Variants in PABPN1L observed in about 807,000 individuals in gnomAD.
PABPN1L encodes embryonic polyadenylate-binding protein 2.
PABPN1L carries 45 observed loss-of-function variants against 34.0 expected under a neutral mutation model. That is an observed-to-expected ratio of 1.32 (90% CI 1.04 to 1.70). The LOEUF is 1.70. PABPN1L is among the 40% of genes most tolerant of loss of function. PABPN1L has a pLI of 0.00. For synonymous variants in PABPN1L, 182 were observed against 152.1 expected (o/e 1.20, Z -1.45); for missense variants, 459 against 367.8 (o/e 1.25, Z -2.03).
At chr16:88,865,731 C>A in intron 2 of PABPN1L, 75 bp downstream of exon 2, 1 of 1,552,696 alleles carries the variant, frequency 6.4e-7, no homozygotes, top group Non-Finnish European at 8.7e-7. Context: ...CACCTTGGAG[C>A]CTGCCAGGCC....
At chr16:88,864,661 C>T (rs1270106730) in intron 5 of PABPN1L, among the ~76,000 whole-genome samples, 192 bp downstream of exon 5, 1 of 150,724 alleles carries the variant, frequency 6.6e-6, no homozygotes, top group Non-Finnish European at 1.5e-5. Context: ...GGACACTTCC[C>T]CACCATGCCA....
At position 88,864,012 on chromosome 16, in the gene PABPN1L, C is replaced by T. The variant is rs777749823; in HGVS notation, c.798-217G>A. Reference sequence around the variant, plus strand: ...AGAGCCCCTTGGGGCAGCTGTAGCCCACCCTGGGGCCTTTGTGGGAACAAG... The same window carrying T: ...AGAGCCCCTTGGGGCAGCTGTAGCCTACCCTGGGGCCTTTGTGGGAACAAG... On this transcript the variant is annotated intron_variant, in intron 6 of 6. Transcript: ENST00000419291. Among the ~76,000 whole-genome samples, 147 of 152,202 alleles carry T rather than the reference C, an allele frequency of 9.7e-4. 1 individual carries two copies. Among genetic ancestry groups the T allele is most frequent in the Non-Finnish European group, 1.8e-3 (122 of 68,016 alleles).
intron 5 of PABPN1L, 121 bp from the exon 6 acceptor site, chr16:88,864,500 C>T (rs1315616658): frequency 1.5e-6 from 2 of 1,378,276 alleles, no homozygotes; most frequent in Non-Finnish European, 1.9e-6. Context: ...CCATTCGGGC[C>T]TACAGGGTTC....
rs1408925377 is a variant in PABPN1L, at chr16:88,865,981, G to A, written c.256-40C>T. 4 of 1,576,010 alleles carry A rather than the reference G, an allele frequency of 2.5e-6. No homozygotes were observed. In the South Asian group the frequency reaches 3.4e-5, roughly 14 times the overall value. ...CCCTGAGCCGGGCAGGCAGCCTGCA[G>A]GCTCTGCTCAAGGAAGGTGGGTGTG... On this transcript the variant is annotated intron_variant, in intron 1 of 6. Coordinates refer to ENST00000419291, the Ensembl canonical transcript of PABPN1L.
chr16:88,865,234 G>A, intron 3 of PABPN1L, 106 bp from the exon 4 acceptor site: 2 of 1,254,314 alleles, frequency 1.6e-6, no homozygotes, highest in Non-Finnish European at 2.2e-6. Context: ...CCCGTGGCGG[G>A]GATGGCCCCA....
exon 7 of PABPN1L, chr16:88,863,390 T>G: frequency 2.6e-6 from 1 of 389,964 alleles, no homozygotes; most frequent in Non-Finnish European, 4.8e-6. Flanking sequence ...AAGACACACG[T>G]TTCTATTTTT....
exon 7 of PABPN1L, chr16:88,863,754 C>T: frequency 6.5e-7 from 1 of 1,536,136 alleles, no homozygotes; most frequent in South Asian, 1.2e-5. Flanking sequence ...CGGGTCTTCC[C>T]TTTAATACGG....
chr16:88,867,291 G>A (rs942286493), upstream of PABPN1L, among the ~76,000 whole-genome samples: 21 of 150,930 alleles, frequency 1.4e-4, no homozygotes, highest in African/African-American at 3.9e-4. Flanking sequence ...GCGGTGGCGC[G>A]ATCTCGGCTC....
rs1017830861 is a variant in PABPN1L at position 88,865,171 on chromosome 16, C to G, written c.460-43G>C. The G allele has an allele frequency of 2.6e-6, 4 of 1,540,244 alleles. No individual in the cohort carries two copies. The African/African-American group carries it at 5.5e-5, about 21-fold the overall frequency. Reference sequence around the variant, plus strand: ...CCAGCATGTGAGGGAGACGCCTGGCCCTGACTCGGGGCCTTCTTGTTAGAG... The same window carrying G: ...CCAGCATGTGAGGGAGACGCCTGGCGCTGACTCGGGGCCTTCTTGTTAGAG... On this transcript the variant is annotated intron_variant, in intron 3 of 6. Coordinates refer to ENST00000419291, the Ensembl canonical transcript of PABPN1L.
upstream of PABPN1L, among the ~76,000 whole-genome samples, chr16:88,868,553 C>T (rs1181826236): frequency 6.6e-6 from 1 of 152,064 alleles, no homozygotes; most frequent in Non-Finnish European, 1.5e-5. Flanking sequence ...TTGCAGTGAG[C>T]CGAGATCGCG....
chr16:88,866,042 A>G, intron 1 of PABPN1L, 101 bp from the exon 2 acceptor site: 3 of 1,446,730 alleles, frequency 2.1e-6, no homozygotes, highest in Non-Finnish European at 1.8e-6. Context: ...CACAGCCCCA[A>G]GGGGCAGCCC....
At chr16:88,869,437 G>A (rs7184636), upstream of PABPN1L, among the ~76,000 whole-genome samples, 3,548 of 152,300 alleles carry the variant, frequency 0.023, 127 homozygotes, top group African/African-American at 0.078. Context: ...CTCCTCCCTC[G>A]AGAGCCGCTG....
intron 1 of PABPN1L, 93 bp from the exon 2 acceptor site, chr16:88,866,034 C>T (rs1253195798): frequency 2.7e-6 from 4 of 1,461,618 alleles, no homozygotes; most frequent in South Asian, 1.4e-5. Context: ...CAGAGGGTCA[C>T]AGCCCCAAGG....
chr16:88,865,832 C>T, exon 2 of PABPN1L: 1 of 1,608,714 alleles, frequency 6.2e-7, no homozygotes, highest in Non-Finnish European at 8.5e-7. Flanking sequence ...CAGCAGCTGC[C>T]CGGCCGCGGT....
upstream of PABPN1L, among the ~76,000 whole-genome samples, chr16:88,869,979 C>T (rs1474949840): frequency 2.6e-5 from 4 of 152,256 alleles, no homozygotes; most frequent in Non-Finnish European, 4.4e-5. Context: ...ACTCCTATTC[C>T]AGACAGGATC....
rs912075786 is a variant in PABPN1L, at chr16:88,864,220, C to G, written c.797+17G>C. 3 of 1,517,578 alleles carry G rather than the reference C, an allele frequency of 2.0e-6. No homozygotes were observed. The highest frequency in any genetic ancestry group is 2.6e-6 in the Non-Finnish European group (3 of 1,134,768). The allele number at this position is 1,517,578 out of a possible 1,614,324, so 94.0% of individuals were successfully genotyped here. A position where few individuals can be genotyped will look rare whatever the true frequency, so the allele number is the denominator to read the frequency against. ...ATGGCCCTCGCCCCCAGGCTGCCCC[C>G]ACAGGCACCCACTCACCGGTTCTGC... On this transcript the variant is annotated intron_variant, in intron 6 of 6. Transcript: ENST00000419291.
At position 88,865,627 on chromosome 16, in the gene PABPN1L, C is replaced by CA. The variant is rs1567564373; in HGVS notation, c.394dup (p.Cys132LeufsTer14). 4.4e-6 allele frequency: 7 copies of CA among 1,607,214 alleles called. No individual in the cohort carries two copies. The South Asian group carries it at 7.8e-5, about 18-fold the overall frequency. On this transcript the variant is annotated frameshift_variant, in exon 3 of 7. Transcript: ENST00000419291. LOFTEE classifies it high-confidence loss of function. ...CTCCTCGGGGGTCCCAGAGAGGGGG[C>CA]AGCCTGCGGAGAACACAGCTCAGGC...
At chr16:88,868,619 A>G (rs538192149), upstream of PABPN1L, among the ~76,000 whole-genome samples, 31 of 152,116 alleles carry the variant, frequency 2.0e-4, no homozygotes, top group African/African-American at 5.8e-4. Context: ...ACAAAAACAA[A>G]AAAACCCAAA....
intron 6 of PABPN1L, 104 bp downstream of exon 6, chr16:88,864,133 A>G: frequency 4.3e-6 from 6 of 1,390,272 alleles, no homozygotes; most frequent in Non-Finnish European, 5.7e-6. Flanking sequence ...CGCCAGGTAC[A>G]TTCCTGCAGC....
Sources: gnomAD v4.1 joint callset for allele counts (sites outside exome capture counted in the v4.1 genomes callset) on GRCh38, gnomAD v4.1.1 for gene constraint, MANE v1.5 for transcripts, NCBI Gene and HGNC (gene_info 2026-07-23, HGNC 2026-07-21) for gene names.